The following KCNC4 variants were observed in gnomAD, a reference collection of about 807,000 sequenced individuals.
KCNC4 encodes the protein voltage-gated potassium channel KCNC4.
KCNC4 carries 23 observed loss-of-function variants against 42.8 expected under a neutral mutation model. That is an observed-to-expected ratio of 0.54 (90% CI 0.39 to 0.76). The LOEUF is 0.76. KCNC4 is among the 30% of genes least tolerant of loss of function. KCNC4 has a pLI of 0.00. For synonymous variants in KCNC4, 422 were observed against 393.5 expected, an observed-to-expected ratio of 1.07 and a Z score of -0.86; for missense variants, 751 against 898.2, an observed-to-expected ratio of 0.84 and a Z score of 2.10.
chr1:110,215,675 C>G (rs1657758236), intron 1 of KCNC4, among the ~76,000 whole-genome samples: 1 of 152,234 alleles, frequency 6.6e-6, no homozygotes, highest in Admixed American at 6.5e-5. Context: ...GGGTCTTCCC[C>G]TTTGTTAAGT....
chr1:110,258,646 A>G lies in KCNC4; in HGVS notation n.31-23888A>G, dbSNP rs1659376389. Among the ~76,000 whole-genome samples, 3 of 152,214 alleles carry G rather than the reference A, an allele frequency of 2.0e-5. No homozygotes were observed. The South Asian group carries it at 6.2e-4, about 32-fold the overall frequency. On this transcript the variant is annotated intron_variant and non_coding_transcript_variant, in intron 1 of 2. Coordinates refer to the KCNC4 transcript ENST00000412512. ...ATCCATCCTCCTTCAAATCATTCACACAGATGACTATTAACCCTGCCCAGA... is the reference window on the plus strand; with the variant it reads ...ATCCATCCTCCTTCAAATCATTCACGCAGATGACTATTAACCCTGCCCAGA...
At chr1:110,257,130 T>C (rs966196097) in intron 1 of KCNC4, among the ~76,000 whole-genome samples, 1 of 152,370 alleles carries the variant, frequency 6.6e-6, no homozygotes, top group South Asian at 2.1e-4. Context: ...CCAAGTTATT[T>C]TTAGAAGAAA....
intron 1 of KCNC4, among the ~76,000 whole-genome samples, chr1:110,263,789 TAAA>T (rs5777009): frequency 6.8e-6 from 1 of 146,100 alleles, no homozygotes; most frequent in Non-Finnish European, 1.5e-5. Context: ...CCTTCCTCTC[TAAA>T]AAAAAAACAA....
rs1323907773 is a variant in KCNC4, at chr1:110,229,437, A to C, written c.1819+3259A>C. ...CTGCCCAGATTCAGTGGTGACTCCC[A>C]CTGGCGGCACCTGGTGTCCCTTCTG... On this transcript the variant is annotated intron_variant, in intron 3 of 3. Transcript: ENST00000438661. 7.2e-5 allele frequency among the ~76,000 whole-genome samples: 11 copies of C among 152,190 alleles called. No homozygotes were observed. In the East Asian group the frequency reaches 1.9e-3, roughly 27 times the overall value.
At chr1:110,222,776 C>T (rs77052120) in intron 1 of KCNC4, 188 bp from the exon 2 acceptor site, 42,875 of 575,006 alleles carry the variant, frequency 0.075, 2,054 homozygotes, top group Non-Finnish European at 0.1. Flanking sequence ...AAACATTGCC[C>T]GAGAGCCCCC....
intron 1 of KCNC4, among the ~76,000 whole-genome samples, chr1:110,214,973 T>TC (rs142947871): frequency 6.6e-6 from 1 of 152,086 alleles, no homozygotes; most frequent in African/African-American, 2.4e-5. Flanking sequence ...CCAGCCCTGT[T>TC]CCCCCCGGTA....
chr1:110,260,141 A>G (rs1395548856), intron 1 of KCNC4, among the ~76,000 whole-genome samples: 1 of 152,264 alleles, frequency 6.6e-6, no homozygotes, highest in East Asian at 1.9e-4. Context: ...GTGGAATACA[A>G]GAAAATACAT....
chr1:110,281,964 A>G (rs1018054710), intron 1 of KCNC4, among the ~76,000 whole-genome samples: 1 of 152,192 alleles, frequency 6.6e-6, no homozygotes, highest in African/African-American at 2.4e-5. Context: ...CTGCGCTGGC[A>G]GAGGCTGCAG....
At chr1:110,226,653 C>T (rs574102487) in intron 3 of KCNC4, among the ~76,000 whole-genome samples, 24 of 152,310 alleles carry the variant, frequency 1.6e-4, no homozygotes, top group Admixed American at 3.9e-4. Context: ...TCCCATCCTG[C>T]GCCAGGGGTC....
At chr1:110,281,324 C>T (rs1210092749) in intron 1 of KCNC4, among the ~76,000 whole-genome samples, 1 of 151,954 alleles carries the variant, frequency 6.6e-6, no homozygotes, top group Non-Finnish European at 1.5e-5. Context: ...TGATGTGGGG[C>T]CACCCTACAC....
Position 110,211,594 on chromosome 1 carries a change from G to A in KCNC4, c.95G>A (p.Gly32Asp). The change falls in exon 1 of 4, where the codon GGC becomes GAC. Residue 32 changes from glycine to aspartate, a missense_variant. Transcript: ENST00000438661. The surrounding 1 kb of genome is among the most constrained non-coding windows in gnomAD (Gnocchi z 6.5). ...TGTCTGAAGGAGGAGATGGCCAAGGGCGAGGCGTCGGAGAAGATCATCATC... is the reference window on the plus strand; with the variant it reads ...TGTCTGAAGGAGGAGATGGCCAAGGACGAGGCGTCGGAGAAGATCATCATC... Reference protein sequence around the residue: ...KTCLKEEMAKGEASEKIIINV... With the variant: ...KTCLKEEMAKDEASEKIIINV... 6.2e-7 allele frequency: 1 copy of A among 1,614,112 alleles called. No individual in the cohort carries two copies.
chr1:110,268,624 A>AAG (rs1553218080), intron 1 of KCNC4, among the ~76,000 whole-genome samples: 11 of 147,272 alleles, frequency 7.5e-5, no homozygotes, highest in African/African-American at 1.0e-4. Flanking sequence ...AAAAAAAAAA[A>AAG]AAAGAAAAGA....
At chr1:110,230,092 G>A (rs576906272) in intron 3 of KCNC4, among the ~76,000 whole-genome samples, 4 of 152,148 alleles carry the variant, frequency 2.6e-5, no homozygotes, top group East Asian at 1.9e-4. Flanking sequence ...GCCTGTGCCC[G>A]GAGTGTCCCC....
chr1:110,255,155 A>G (rs1451600096), intron 1 of KCNC4, among the ~76,000 whole-genome samples: 2 of 152,248 alleles, frequency 1.3e-5, no homozygotes, highest in African/African-American at 4.8e-5. Flanking sequence ...TGCCTGGCAC[A>G]GAGCCTGGAG....
intron 1 of KCNC4, among the ~76,000 whole-genome samples, chr1:110,216,651 C>T (rs1189806055): frequency 2.0e-5 from 3 of 152,158 alleles, no homozygotes; most frequent in African/African-American, 4.8e-5. Flanking sequence ...GCAGCTTGGC[C>T]TTGAGGGTAG....
At chr1:110,242,440 T>TTTC (rs1374758939) in exon 4 of KCNC4, 1 of 152,266 alleles carries the variant, frequency 6.6e-6, no homozygotes, top group African/African-American at 2.4e-5. Flanking sequence ...GCAAGGGTTG[T>TTTC]TTCCAGAGGG....
At chr1:110,240,741 A>C (rs1364480808) in exon 4 of KCNC4, 1 of 152,354 alleles carries the variant, frequency 6.6e-6, no homozygotes, top group Non-Finnish European at 1.5e-5. Context: ...GAGCTGTGCC[A>C]CTACCACGAC....
chr1:110,283,602 A>C (rs969527291), downstream of KCNC4, among the ~76,000 whole-genome samples: 1 of 152,148 alleles, frequency 6.6e-6, no homozygotes. Context: ...CAGTTGCCCT[A>C]GGCTTCCTTC....
intron 1 of KCNC4, among the ~76,000 whole-genome samples, chr1:110,263,966 G>A (rs935555235): frequency 2.6e-5 from 4 of 152,148 alleles, no homozygotes; most frequent in African/African-American, 9.7e-5. Flanking sequence ...TCTTTCCCAT[G>A]TTATTCTTGG....
Sources: gnomAD v4.1 joint callset for allele counts (sites outside exome capture counted in the v4.1 genomes callset) on GRCh38, gnomAD v4.1.1 for gene constraint, Gnocchi (gnomAD v3.1) non-coding constraint, MANE v1.5 for transcripts, NCBI Gene and HGNC (gene_info 2026-07-23, HGNC 2026-07-21) for gene names.